The following PDS5B variants were observed in gnomAD, a reference collection of about 807,000 sequenced individuals.
The protein encoded by PDS5B is PDS5 cohesin associated factor B.
PDS5B carries 51 observed loss-of-function variants against 184.1 expected under a neutral mutation model. The observed-to-expected ratio is 0.28, with a 90% confidence interval of 0.22 to 0.35. PDS5B has a LOEUF of 0.35. PDS5B is among the 10% of genes least tolerant of loss of function. The pLI is 1.00. For synonymous variants in PDS5B, 566 were observed against 569.2 expected (o/e 0.99, Z 0.08); for missense variants, 1,180 against 1,723.3 (o/e 0.68, Z 5.58).
intron 31 of PDS5B, among the ~76,000 whole-genome samples, chr13:32,765,473 C>G (rs1027443227): frequency 6.6e-6 from 1 of 152,192 alleles, no homozygotes; most frequent in African/African-American, 2.4e-5. Flanking sequence ...TTTACTTTCT[C>G]TAAAATATTA....
chr13:32,655,414 C>T lies in PDS5B; in HGVS notation c.313-2825C>T, dbSNP rs576289357. ...TTTTTTTTTAGATGGAGTTTCACAC[C>T]GTTGCTCAGGCTGGAGTGCAGTGGT... On this transcript the variant is annotated intron_variant, in intron 3 of 34. Transcript: ENST00000315596. Among the ~76,000 whole-genome samples the T allele has an allele frequency of 3.6e-4, 27 of 74,320 alleles. 1 individual carries two copies. Among genetic ancestry groups the T allele is most frequent in the African/African-American group, 1.1e-3 (23 of 20,724 alleles). The allele number at this position is 74,320 out of a possible 152,430, so 48.8% of individuals were successfully genotyped here.
intron 1 of PDS5B, among the ~76,000 whole-genome samples, chr13:32,619,090 C>A (rs543226066): frequency 6.6e-6 from 1 of 152,208 alleles, no homozygotes; most frequent in Non-Finnish European, 1.5e-5. Context: ...GCAAATACCC[C>A]TACCCTGTAT....
At chr13:32,654,407 A>T (rs1406366918) in intron 3 of PDS5B, among the ~76,000 whole-genome samples, 1 of 152,174 alleles carries the variant, frequency 6.6e-6, no homozygotes. Context: ...TTGTCTTTCC[A>T]TCGCTACATA....
At chr13:32,730,301 C>T (rs1024310196) in intron 19 of PDS5B, among the ~76,000 whole-genome samples, 2 of 152,098 alleles carry the variant, frequency 1.3e-5, no homozygotes, top group South Asian at 4.2e-4. Context: ...TTCCATTGGT[C>T]TATTTATCTG....
chr13:32,734,011 C>CACACACACACACACACACAA (rs1341139943), intron 20 of PDS5B, among the ~76,000 whole-genome samples: 1 of 151,490 alleles, frequency 6.6e-6, no homozygotes, highest in African/African-American at 2.4e-5. Context: ...CACACACACA[C>CACACACACACACACACACAA]ACAAACATAT....
At chr13:32,709,754 C>G (rs1303432441) in intron 18 of PDS5B, among the ~76,000 whole-genome samples, 192 bp from the exon 19 acceptor site, 1 of 152,066 alleles carries the variant, frequency 6.6e-6, no homozygotes, top group Non-Finnish European at 1.5e-5. Context: ...ATCATACAAT[C>G]TTCCTACAGA....
rs1954974963 is a variant in PDS5B at position 32,776,945 on chromosome 13, C to T, written c.*1893C>T. On this transcript the variant is annotated 3_prime_UTR_variant, in exon 35 of 35. Transcript: ENST00000315596. ...GAGAGGCTGTCATATATCAAAGCAG[C>T]TCAGGTGGGATCAACATACATTGGT... The T allele has an allele frequency of 6.6e-6, 1 of 152,424 alleles. No individual in the cohort carries two copies. Among genetic ancestry groups the T allele is most frequent in the Non-Finnish European group, 1.5e-5 (1 of 67,898 alleles). 9.4% of individuals were successfully genotyped at this position (152,424 alleles called of 1,614,324 possible). A position where few individuals can be genotyped will look rare whatever the true frequency, so the allele number is the denominator to read the frequency against.
chr13:32,633,087 A>G (rs1362150168), intron 1 of PDS5B, among the ~76,000 whole-genome samples: 6 of 152,230 alleles, frequency 3.9e-5, no homozygotes, highest in Non-Finnish European at 5.9e-5. Context: ...CTGTGATTCT[A>G]CTTACATGAG....
chr13:32,751,168 C>T (rs1018382178), intron 24 of PDS5B, among the ~76,000 whole-genome samples: 1 of 152,160 alleles, frequency 6.6e-6, no homozygotes, highest in South Asian at 2.1e-4. Flanking sequence ...AAGGTAATGG[C>T]CTCCAGCTCC....
At chr13:32,637,774 C>T (rs762728032) in intron 1 of PDS5B, among the ~76,000 whole-genome samples, 104 of 152,080 alleles carry the variant, frequency 6.8e-4, no homozygotes, top group Non-Finnish European at 1.1e-3. Context: ...GAGGAGGCTG[C>T]GGTCAACTGT....
chr13:32,694,603 T>C (rs1460544584), intron 14 of PDS5B, among the ~76,000 whole-genome samples: 1 of 151,892 alleles, frequency 6.6e-6, no homozygotes, highest in Non-Finnish European at 1.5e-5. Context: ...ATTGAAAGCA[T>C]AGAAAATCGA....
intron 7 of PDS5B, among the ~76,000 whole-genome samples, chr13:32,672,759 A>G (rs965248670): frequency 2.6e-5 from 4 of 152,114 alleles, no homozygotes; most frequent in African/African-American, 9.7e-5. Flanking sequence ...GCCTATTTGG[A>G]TGATGCCTGC....
chr13:32,711,894 T>G (rs760550258), intron 19 of PDS5B, among the ~76,000 whole-genome samples: 2 of 152,244 alleles, frequency 1.3e-5, no homozygotes, highest in African/African-American at 2.4e-5. Flanking sequence ...TTAAACATTG[T>G]AACAATTCAG....
intron 19 of PDS5B, among the ~76,000 whole-genome samples, chr13:32,710,827 A>G (rs1163183493): frequency 2.6e-5 from 4 of 152,114 alleles, no homozygotes; most frequent in African/African-American, 7.2e-5. Flanking sequence ...ATGCTTTTAT[A>G]TGGAGAAGAA....
rs895647395 is a variant in PDS5B, at chr13:32,604,028, C to A, written c.-20+17435C>A. ...CAGTCATGTCATCTGCAAGCAGGGA[C>A]AATTTGACTTCCTCTTTTCCTAATT... On this transcript the variant is annotated intron_variant, in intron 1 of 34. Transcript: ENST00000315596. Among the ~76,000 whole-genome samples the A allele has an allele frequency of 3.3e-5, 5 of 152,312 alleles. No homozygotes were observed. In the South Asian group the frequency reaches 1.0e-3, roughly 32 times the overall value.
chr13:32,752,032 A>G (rs963689258), intron 24 of PDS5B, among the ~76,000 whole-genome samples: 2 of 151,512 alleles, frequency 1.3e-5, no homozygotes, highest in African/African-American at 4.8e-5. Context: ...TACAATAGTA[A>G]GAAACACACC....
intron 1 of PDS5B, among the ~76,000 whole-genome samples, chr13:32,639,385 A>C (rs1032326004): frequency 1.3e-5 from 2 of 152,236 alleles, no homozygotes; most frequent in African/African-American, 4.8e-5. Flanking sequence ...TAAAGTATTC[A>C]CCGTCACTGT....
In PDS5B at chr13:32,631,301, C is replaced by T. The variant is rs141840852; in HGVS notation, c.-19-17453C>T. ...AGTGGTGGCGTTTCACCATGTTGCC[C>T]AGGCTGGTCTCAAACTCCTGGGCTC... On this transcript the variant is annotated intron_variant, in intron 1 of 34. Transcript: ENST00000315596. 6.0e-3 allele frequency among the ~76,000 whole-genome samples: 919 copies of T among 151,912 alleles called. 16 individuals carry two copies. Among genetic ancestry groups the T allele is most frequent in the African/African-American group, 0.021 (886 of 41,414 alleles).
At chr13:32,693,960 G>A (rs1951627341) in intron 13 of PDS5B, among the ~76,000 whole-genome samples, 1 of 151,594 alleles carries the variant, frequency 6.6e-6, no homozygotes, top group African/African-American at 2.4e-5. Context: ...TACGCTGTCA[G>A]TTATTCCTTT....
Sources: allele counts gnomAD v4.1 joint callset (sites outside exome capture counted in the v4.1 genomes callset), GRCh38; gene constraint gnomAD v4.1.1; transcripts MANE v1.5; gene names NCBI Gene and HGNC (gene_info 2026-07-23, HGNC 2026-07-21).